The following INO80C variants were observed in gnomAD, a reference collection of about 807,000 sequenced individuals.
INO80C encodes IES6 homolog.
A neutral mutation model predicts 17.7 loss-of-function variants in INO80C; 17 were observed. That is an observed-to-expected ratio of 0.96 (90% CI 0.66 to 1.44). The LOEUF (loss-of-function observed/expected upper bound fraction) is 1.44, where lower values mean the gene tolerates loss of function less well. Among genes scored for constraint, INO80C ranks in the 40% most tolerant of loss-of-function variants. INO80C has a pLI of 0.00. For synonymous variants in INO80C, 96 were observed against 95.8 expected (o/e 1.00, Z -0.01); for missense variants, 244 against 245.0 (o/e 1.00, Z 0.03).
At chr18:35,485,094 C>A (rs1251773404) in intron 1 of INO80C, among the ~76,000 whole-genome samples, 1 of 152,054 alleles carries the variant, frequency 6.6e-6, no homozygotes, top group Non-Finnish European at 1.5e-5. Context: ...TTAGGGCCCA[C>A]CCAGACGACC....
At chr18:35,489,165 C>G (rs1410775569) in intron 1 of INO80C, 1 of 189,060 alleles carries the variant, frequency 5.3e-6, no homozygotes, top group East Asian at 1.7e-4. Context: ...CAACCTCTGC[C>G]TGTTACCCAG....
Position 35,480,487 on chromosome 18 carries a change from G to A in INO80C, c.233C>T (p.Ala78Val). 1 of 1,613,986 alleles carries A rather than the reference G, an allele frequency of 6.2e-7. No homozygotes were observed. Residue 78 changes from alanine (A) to valine (V), a missense_variant, in exon 2 of 5, where the codon GCC becomes GTC. Coordinates refer to ENST00000334598, the MANE Select transcript of INO80C (RefSeq NM_194281.4). Reference sequence around the variant, plus strand: ...GGGATCCTTAAATGGCAAAGGTTTGGCAGCTTTTTCCACAGGTCCTGTGCT... The same window carrying A: ...GGGATCCTTAAATGGCAAAGGTTTGACAGCTTTTTCCACAGGTCCTGTGCT... ...EFSTGPVEKA[A>V]KPLPFKDPNF...
chr18:35,478,978 T>C (rs781493295), intron 3 of INO80C: 1 of 228,344 alleles, frequency 4.4e-6, no homozygotes, highest in Non-Finnish European at 8.5e-6. Flanking sequence ...GGTATTATAC[T>C]TGGGCTACCT....
intron 2 of INO80C, 36 bp from the exon 3 acceptor site, chr18:35,479,447 C>T: frequency 4.7e-6 from 6 of 1,276,526 alleles, no homozygotes; most frequent in Non-Finnish European, 5.7e-6. Flanking sequence ...GAAACAAAAA[C>T]CAATGGAGAC....
At chr18:35,471,550 T>C (rs1216672930) in intron 4 of INO80C, among the ~76,000 whole-genome samples, 1 of 152,236 alleles carries the variant, frequency 6.6e-6, no homozygotes, top group Non-Finnish European at 1.5e-5. Flanking sequence ...ATTTTGCGAA[T>C]GCGGTCTCTC....
intron 1 of INO80C, among the ~76,000 whole-genome samples, chr18:35,482,162 C>G (rs1051045332): frequency 6.6e-6 from 1 of 152,072 alleles, no homozygotes; most frequent in South Asian, 2.1e-4. Flanking sequence ...CAAGTCACTG[C>G]CAAATCATGT....
chr18:35,487,941 C>T (rs1287718059), intron 1 of INO80C: 1 of 152,224 alleles, frequency 6.6e-6, no homozygotes, highest in Non-Finnish European at 1.5e-5. Flanking sequence ...ACAGGACCCA[C>T]ACCAAGTCTG....
chr18:35,481,229 C>T (rs1444010460), intron 1 of INO80C, among the ~76,000 whole-genome samples: 1 of 152,170 alleles, frequency 6.6e-6, no homozygotes, highest in Non-Finnish European at 1.5e-5. Context: ...CTGACAAGAA[C>T]GCTAATATGG....
chr18:35,477,248 A>G (rs1380223449), intron 4 of INO80C, among the ~76,000 whole-genome samples: 3 of 152,114 alleles, frequency 2.0e-5, no homozygotes, highest in Admixed American at 2.0e-4. Flanking sequence ...TGTCTCAAAA[A>G]AAAGTGAAAA....
chr18:35,470,937 C>T (rs970952427), intron 4 of INO80C, among the ~76,000 whole-genome samples: 3 of 152,208 alleles, frequency 2.0e-5, no homozygotes, highest in African/African-American at 7.2e-5. Context: ...CAGCAAACAG[C>T]TTCAGGCCCC....
At chr18:35,480,284 C>G (rs1384834568) in intron 2 of INO80C, among the ~76,000 whole-genome samples, 169 bp downstream of exon 2, 1 of 152,170 alleles carries the variant, frequency 6.6e-6, no homozygotes, top group African/African-American at 2.4e-5. Flanking sequence ...ATTAAAAGAT[C>G]AACAGAAAGA....
chr18:35,469,513 G>A (rs533838139), intron 4 of INO80C, among the ~76,000 whole-genome samples: 1 of 152,062 alleles, frequency 6.6e-6, no homozygotes, highest in Admixed American at 6.5e-5. Flanking sequence ...TCCTTTCCTT[G>A]GCAGGGGACC....
At chr18:35,474,281 C>A (rs2045708581) in intron 4 of INO80C, among the ~76,000 whole-genome samples, 1 of 132,638 alleles carries the variant, frequency 7.5e-6, no homozygotes, top group Non-Finnish European at 1.6e-5. Flanking sequence ...ACAAGGAAAT[C>A]ACCAGAACCA....
chr18:35,480,644 G>A lies in INO80C; in HGVS notation c.157-81C>T, dbSNP rs1406719231. 4.8e-6 allele frequency: 5 copies of A among 1,051,220 alleles called. 1 individual carries two copies. The highest frequency in any genetic ancestry group is 4.1e-4 in the Middle Eastern group (2 of 4,926). The allele number at this position is 1,051,220 out of a possible 1,614,324, so 65.1% of individuals were successfully genotyped here. ...CACCTCTGCTCTCAACAGGGCATAC[G>A]ATGATGCCACAGGGCATGCAAGGGA... On this transcript the variant is annotated intron_variant, in intron 1 of 4. Transcript: ENST00000334598.
chr18:35,497,630 C>G, intron 1 of INO80C, 89 bp downstream of exon 1: 3 of 1,502,402 alleles, frequency 2.0e-6, no homozygotes, highest in Middle Eastern at 2.5e-4. Flanking sequence ...GCGCAGCGCC[C>G]CACATTACGC....
intron 1 of INO80C, among the ~76,000 whole-genome samples, chr18:35,491,178 C>T (rs1001205230): frequency 1.2e-4 from 18 of 152,168 alleles, no homozygotes; most frequent in Admixed American, 6.5e-4. Flanking sequence ...CTGACATAGG[C>T]GTTTAGTTCC....
intron 4 of INO80C, among the ~76,000 whole-genome samples, chr18:35,474,969 C>A (rs2045717387): frequency 6.6e-6 from 1 of 152,052 alleles, no homozygotes; most frequent in South Asian, 2.1e-4. Context: ...ATGTGTGTAA[C>A]TGGAATCCTA....
chr18:35,469,432 C>T (rs2045643213), intron 4 of INO80C, among the ~76,000 whole-genome samples: 2 of 152,186 alleles, frequency 1.3e-5, no homozygotes, highest in Non-Finnish European at 2.9e-5. Context: ...CCTCCTCAGC[C>T]ACATGTCCCC....
intron 4 of INO80C, among the ~76,000 whole-genome samples, chr18:35,477,180 G>A (rs980635281): frequency 6.6e-6 from 1 of 152,208 alleles, no homozygotes; most frequent in African/African-American, 2.4e-5. Context: ...GGAGGTAGAG[G>A]CTGGAGTGAG....
Sources: allele counts gnomAD v4.1 joint callset (sites outside exome capture counted in the v4.1 genomes callset), GRCh38; gene constraint gnomAD v4.1.1; transcripts MANE v1.5; gene names NCBI Gene and HGNC (gene_info 2026-07-23, HGNC 2026-07-21).